Variants in DDRGK1 observed in about 807,000 individuals in gnomAD.
The protein encoded by DDRGK1 is DDRGK domain containing 1, also known as DDRGK domain-containing protein 1.
Under a neutral mutation model 45.8 loss-of-function variants are expected in DDRGK1, and 38 were observed. That is an observed-to-expected ratio of 0.83 (90% CI 0.64 to 1.09). The LOEUF (loss-of-function observed/expected upper bound fraction) is 1.09. Ranked by LOEUF, DDRGK1 falls within the 50% of genes least tolerant of loss-of-function variation. The pLI, the probability that DDRGK1 is intolerant of heterozygous loss-of-function variation, is 0.00. For synonymous variants in DDRGK1, 171 were observed against 168.7 expected (o/e 1.01, Z -0.11); for missense variants, 403 against 419.9 (o/e 0.96, Z 0.35).
intron 4 of DDRGK1, among the ~76,000 whole-genome samples, chr20:3,198,956 A>T (rs2067024007): frequency 7.0e-6 from 1 of 141,950 alleles, no homozygotes; most frequent in African/African-American, 2.7e-5. Flanking sequence ...AGCCTGGGAA[A>T]CACGGTGAAA....
rs572957841 is a variant in DDRGK1, at chr20:3,190,530, T to G, written c.*123A>C. On this transcript the variant is annotated 3_prime_UTR_variant, in exon 9 of 9. Transcript: ENST00000354488. ...CAAGCCACACCAAGCTCAGCAGTAC[T>G]CACAGGCCTTTAATCTATAACTGCC... 2.5e-5 allele frequency: 32 copies of G among 1,258,498 alleles called. No homozygotes were observed. In the African/African-American group the frequency reaches 4.3e-4, roughly 17 times the overall value. The allele number at this position is 1,258,498 out of a possible 1,614,324, so 78.0% of individuals were successfully genotyped here. A position where few individuals can be genotyped will look rare whatever the true frequency, so the allele number is the denominator to read the frequency against.
intron 5 of DDRGK1, 99 bp downstream of exon 5, chr20:3,195,132 C>A (rs2122232086): frequency 1.9e-6 from 3 of 1,586,212 alleles, no homozygotes; most frequent in African/African-American, 1.3e-5. Flanking sequence ...CCTCTCACTG[C>A]CTGGCCAGGG....
At chr20:3,191,995 ACACACT>A (rs1490252998) in intron 6 of DDRGK1, among the ~76,000 whole-genome samples, 174 bp from the exon 7 acceptor site, 11 of 150,742 alleles carry the variant, frequency 7.3e-5, no homozygotes, top group South Asian at 4.2e-4. Context: ...ACACACACAC[ACACACT>A]CACTATCACC....
chr20:3,199,860 T>C lies in DDRGK1; in HGVS notation c.510+141A>G, dbSNP rs1479909996. The C allele has an allele frequency of 7.0e-6, 5 of 715,886 alleles. No individual in the cohort carries two copies. In the African/African-American group the frequency reaches 9.2e-5, roughly 13 times the overall value. 44.3% of individuals were successfully genotyped at this position (715,886 alleles called of 1,614,324 possible). A position where few individuals can be genotyped will look rare whatever the true frequency, so the allele number is the denominator to read the frequency against. ...GGCTTTTCTAGGCTGTGGTGGAGCCTAGGGACCAAATAAACCAGGACCTGC... is the reference window on the plus strand; with the variant it reads ...GGCTTTTCTAGGCTGTGGTGGAGCCCAGGGACCAAATAAACCAGGACCTGC... On this transcript the variant is annotated intron_variant, in intron 4 of 8. Transcript: ENST00000354488.
intron 1 of DDRGK1, 36 bp downstream of exon 1, chr20:3,204,501 C>G (rs1245760689): frequency 3.3e-6 from 5 of 1,536,292 alleles, no homozygotes; most frequent in Non-Finnish European, 3.5e-6. Context: ...CCAGAAAACC[C>G]GGTACCACCA....
At chr20:3,198,599 C>T (rs1467352168) in intron 4 of DDRGK1, among the ~76,000 whole-genome samples, 1 of 142,400 alleles carries the variant, frequency 7.0e-6, no homozygotes, top group African/African-American at 2.6e-5. Flanking sequence ...ACTTGGGAGG[C>T]TGAGGCAGCA....
chr20:3,191,064 C>T (rs8120318), intron 8 of DDRGK1, 126 bp downstream of exon 8: 134,107 of 1,295,348 alleles, frequency 0.1, 7,845 homozygotes, highest in African/African-American at 0.15. Context: ...CTACTCAGTG[C>T]CCCTCCTTGC....
chr20:3,203,159 T>G, intron 2 of DDRGK1, 54 bp downstream of exon 2: 1 of 1,448,558 alleles, frequency 6.9e-7, no homozygotes, highest in Non-Finnish European at 9.2e-7. Flanking sequence ...TGGGGGCCCT[T>G]TTATCCCCCC....
intron 2 of DDRGK1, among the ~76,000 whole-genome samples, chr20:3,200,767 G>A (rs947623984): frequency 1.3e-5 from 2 of 152,106 alleles, no homozygotes; most frequent in Non-Finnish European, 2.9e-5. Flanking sequence ...CACAAGGTCA[G>A]GAGATTGAGA....
chr20:3,200,360 C>T lies in DDRGK1; in HGVS notation c.390G>A (p.Ala130=), dbSNP rs760422462. The change falls in exon 3 of 9, where the codon GCG becomes GCA. Residue 130 remains alanine, a synonymous_variant. Coordinates refer to ENST00000354488, the MANE Select transcript of DDRGK1 (RefSeq NM_023935.3). ...KKLRKLEEKQ[A]RKAQREAEEA... ...GGCTTGCCTCACGCTGGGCCTTTCG[C>T]GCTTGTTTCTCCTCCAGCTTCCGCA... The T allele has an allele frequency of 1.1e-5, 17 of 1,570,414 alleles. No homozygotes were observed. The highest frequency in any genetic ancestry group is 6.8e-5 in the African/African-American group (5 of 73,930).
rs1277240114 is a variant in DDRGK1, at chr20:3,204,624, C to T, written c.4G>A (p.Val2Met). The T allele has an allele frequency of 1.3e-6, 2 of 1,584,212 alleles. No individual in the cohort carries two copies. Among genetic ancestry groups the T allele is most frequent in the East Asian group, 4.6e-5 (2 of 43,882 alleles). Residue 2 changes from valine to methionine, a missense_variant, in exon 1 of 9, where the codon GTG (valine) becomes ATG (methionine). By Grantham distance (21) the Val-to-Met change is conservative (BLOSUM62 1). Transcript: ENST00000354488. ...GCTACCAAGTACCACACAGGCGCCA[C>T]CATGACGAGGGCCTCAGTGCAGAAC... MVAPVWYLVAAA... is the reference protein window; with the variant it reads MMAPVWYLVAAA...
intron 6 of DDRGK1, among the ~76,000 whole-genome samples, chr20:3,192,680 G>A (rs567919903): frequency 4.6e-5 from 7 of 152,260 alleles, no homozygotes; most frequent in African/African-American, 9.6e-5. Flanking sequence ...AGGGCGCAGC[G>A]AAGGGTCCAC....
intron 6 of DDRGK1, among the ~76,000 whole-genome samples, chr20:3,192,580 T>A (rs2066994162): frequency 6.6e-6 from 1 of 152,184 alleles, no homozygotes; most frequent in African/African-American, 2.4e-5. Context: ...TTGAAATCAC[T>A]GTCACTAATA....
intron 1 of DDRGK1, among the ~76,000 whole-genome samples, chr20:3,203,923 T>C (rs374922862): frequency 2.0e-5 from 3 of 151,988 alleles, no homozygotes; most frequent in African/African-American, 7.2e-5. Flanking sequence ...GGAAAACACA[T>C]ATACAAACCC....
At chr20:3,197,467 T>C (rs2067016252) in intron 4 of DDRGK1, among the ~76,000 whole-genome samples, 1 of 152,108 alleles carries the variant, frequency 6.6e-6, no homozygotes, top group Non-Finnish European at 1.5e-5. Context: ...GTTAACAACA[T>C]TAGGGACAAG....
rs180681469 is a variant in DDRGK1, at chr20:3,191,671, G to C, written c.729+94C>G. 1,022 of 1,363,216 alleles carry C rather than the reference G, an allele frequency of 7.5e-4. 1 individual carries two copies. The highest frequency in any genetic ancestry group is 1.0e-3 in the Non-Finnish European group (986 of 974,764). 84.4% of individuals were successfully genotyped at this position (1,363,216 alleles called of 1,614,324 possible). A position where few individuals can be genotyped will look rare whatever the true frequency, so the allele number is the denominator to read the frequency against. ...ACTCTTGGTTGGGGACAAGGTAGAC[G>C]GTGCATCAAGACTCTATCTTTAGGG... On this transcript the variant is annotated intron_variant, in intron 7 of 8. Transcript: ENST00000354488.
At chr20:3,191,943 A>G (rs2066991107) in intron 6 of DDRGK1, 122 bp from the exon 7 acceptor site, 22 of 826,016 alleles carry the variant, frequency 2.7e-5, no homozygotes, top group Non-Finnish European at 4.2e-5. Flanking sequence ...AACACTGTAC[A>G]CACTCCTGTA....
rs145230948 is a variant in DDRGK1 at position 3,200,508 on chromosome 20, C to T, written c.296-54G>A. 315 of 1,486,290 alleles carry T rather than the reference C, an allele frequency of 2.1e-4. 1 individual carries two copies. The African/African-American group carries it at 3.0e-3, about 14-fold the overall frequency. 92.1% of individuals were successfully genotyped at this position (1,486,290 alleles called of 1,614,324 possible). A position where few individuals can be genotyped will look rare whatever the true frequency, so the allele number is the denominator to read the frequency against. ...GGTTCTGACCAGAGAGGACTGATGACGATGGATCCCCAACCCCTCGTCCCT... is the reference window on the plus strand; with the variant it reads ...GGTTCTGACCAGAGAGGACTGATGATGATGGATCCCCAACCCCTCGTCCCT... On this transcript the variant is annotated intron_variant, in intron 2 of 8. Coordinates refer to ENST00000354488, the MANE Select transcript of DDRGK1 (RefSeq NM_023935.3).
chr20:3,203,228 C>T lies in DDRGK1; in HGVS notation c.280G>A (p.Glu94Lys). The T allele has an allele frequency of 6.3e-7, 1 of 1,589,404 alleles. No individual in the cohort carries two copies. Among genetic ancestry groups the T allele is most frequent in the Non-Finnish European group, 8.6e-7 (1 of 1,165,474 alleles). ...CCCCTCTCACCTAGGATGACAGCTT[C>T]CTCCTCGTTCTCATCTGCTTCTGCC... is the stretch of plus-strand genomic sequence containing the variant. The part of the protein sequence containing the change: ...AWAEADENEE[E>K]AVILAQEEEG... Residue 94 changes from glutamate (E) to lysine (K), a missense_variant, in exon 2 of 9, where the codon GAA (glutamate) becomes AAA (lysine). Coordinates refer to ENST00000354488, the MANE Select transcript of DDRGK1 (RefSeq NM_023935.3).
Sources: allele counts gnomAD v4.1 joint callset (sites outside exome capture counted in the v4.1 genomes callset), GRCh38; gene constraint gnomAD v4.1.1; transcripts MANE v1.5; gene names NCBI Gene and HGNC (gene_info 2026-07-23, HGNC 2026-07-21).